TTR: variants seen among roughly 807,000 people sequenced by gnomAD.
TTR encodes the protein transthyretin.
Under a neutral mutation model 13.7 loss-of-function variants are expected in TTR, and 8 were observed. The ratio of observed to expected loss-of-function variants is 0.58; its 90% CI spans 0.34 to 1.05. The LOEUF is 1.05. TTR is among the 50% of genes least tolerant of loss of function. TTR has a pLI of 0.02. For synonymous variants in TTR, 75 were observed against 71.7 expected (o/e 1.05, Z -0.23); for missense variants, 135 against 185.5 (o/e 0.73, Z 1.58).
chr18:31,597,514 T>C (rs1043114502), intron 3 of TTR, among the ~76,000 whole-genome samples: 1 of 152,234 alleles, frequency 6.6e-6, no homozygotes, highest in African/African-American at 2.4e-5. Context: ...TGATTCTCAC[T>C]TCCTCTTGCC....
intron 3 of TTR, chr18:31,596,070 T>C (rs2073515219): frequency 6.4e-6 from 1 of 156,260 alleles, no homozygotes; most frequent in South Asian, 2.0e-4. Flanking sequence ...TCTGTTCCCC[T>C]GCCTATGGTG....
chr18:31,595,528 G>A, intron 3 of TTR: 4 of 552,468 alleles, frequency 7.2e-6, no homozygotes, highest in Non-Finnish European at 1.4e-5. Flanking sequence ...GAATATTGAT[G>A]TATCTGCTGT....
At chr18:31,594,151 A>C (rs1391215982) in intron 2 of TTR, among the ~76,000 whole-genome samples, 2 of 152,220 alleles carry the variant, frequency 1.3e-5, no homozygotes, top group African/African-American at 4.8e-5. Flanking sequence ...GACAAAAAAA[A>C]AAAGAAGTGA....
Position 31,592,879 on chromosome 18 carries a change from G to A in TTR, c.70-17G>A, listed in dbSNP as rs753905467. The A allele has an allele frequency of 2.5e-6, 4 of 1,613,408 alleles. No individual in the cohort carries two copies. In the South Asian group the frequency reaches 3.3e-5, roughly 13 times the overall value. ...GATCAATTTTGTTAACTTCTCACGT[G>A]TCTTCTCTACACCCAGGGCACCGGT... is the stretch of plus-strand genomic sequence containing the variant. On this transcript the variant is annotated splice_polypyrimidine_tract_variant and intron_variant, in intron 1 of 3. Coordinates refer to ENST00000237014, the MANE Select transcript of TTR (RefSeq NM_000371.4).
Position 31,592,909 on chromosome 18 carries a change from C to T in TTR, c.83C>T (p.Ser28Phe), listed in dbSNP as rs1313375879. 1 of 1,614,016 alleles carries T rather than the reference C, an allele frequency of 6.2e-7. No homozygotes were observed. Residue 28 changes from serine to phenylalanine, a missense_variant, in exon 2 of 4, where the codon TCC becomes TTC. Physicochemically the swap from Ser to Phe is radical, Grantham distance 155. Coordinates refer to ENST00000237014, the MANE Select transcript of TTR (RefSeq NM_000371.4). ...CTCTACACCCAGGGCACCGGTGAAT[C>T]CAAGTGTCCTCTGATGGTCAAAGTT... The part of the protein sequence containing the change: ...SEAGPTGTGE[S>F]KCPLMVKVLD...
chr18:31,596,936 G>C (rs1358968468), intron 3 of TTR, among the ~76,000 whole-genome samples: 1 of 152,200 alleles, frequency 6.6e-6, no homozygotes, highest in East Asian at 1.9e-4. Flanking sequence ...GCCTCCTTCA[G>C]AACTGGTCAA....
chr18:31,594,861 T>A (rs1292130956), intron 2 of TTR, among the ~76,000 whole-genome samples: 1 of 150,406 alleles, frequency 6.6e-6, no homozygotes, highest in Non-Finnish European at 1.5e-5. Flanking sequence ...TAAAACTCTG[T>A]CTCAAAAAAA....
At chr18:31,595,068 T>C in intron 2 of TTR, 52 bp from the exon 3 acceptor site, 2 of 1,608,576 alleles carry the variant, frequency 1.2e-6, no homozygotes, top group Non-Finnish European at 1.7e-6. Flanking sequence ...TACTTTGCCA[T>C]GCCATTTGTT....
At position 31,598,615 on chromosome 18, in the gene TTR, C is replaced by T. The variant is rs143906738; in HGVS notation, c.384C>T (p.Ala128=). 216 of 1,614,108 alleles carry T rather than the reference C, an allele frequency of 1.3e-4. No homozygotes were observed. Among genetic ancestry groups the T allele is most frequent in the Non-Finnish European group, 1.7e-4 (202 of 1,180,058 alleles). Residue 128 remains alanine (A), a synonymous_variant, in exon 4 of 4, where the codon GCC becomes GCT. Transcript: ENST00000237014. The part of the protein sequence containing the change: ...NDSGPRRYTI[A]ALLSPYSYST... ...CCGGCCCCCGCCGCTACACCATTGC[C>T]GCCCTGCTGAGCCCCTACTCCTATT...
At chr18:31,594,861 T>G (rs1292130956) in intron 2 of TTR, among the ~76,000 whole-genome samples, 2 of 150,520 alleles carry the variant, frequency 1.3e-5, no homozygotes, top group South Asian at 4.2e-4. Context: ...TAAAACTCTG[T>G]CTCAAAAAAA....
Position 31,595,474 on chromosome 18 carries a change from A to G in TTR, c.336+219A>G, listed in dbSNP as rs889934104. On this transcript the variant is annotated intron_variant, in intron 3 of 3. Coordinates refer to ENST00000237014, the MANE Select transcript of TTR (RefSeq NM_000371.4). ...AAAATCCACTTAGTAACATGACTTG[A>G]ACTTACATGAAACTACTCATAGTCT... 1.2e-5 allele frequency: 8 copies of G among 676,922 alleles called. No homozygotes were observed. In the African/African-American group the frequency reaches 1.4e-4, roughly 12 times the overall value. 41.9% of individuals were successfully genotyped at this position (676,922 alleles called of 1,614,324 possible). A position where few individuals can be genotyped will look rare whatever the true frequency, so the allele number is the denominator to read the frequency against.
At chr18:31,594,455 C>T (rs954232810) in intron 2 of TTR, among the ~76,000 whole-genome samples, 1 of 152,336 alleles carries the variant, frequency 6.6e-6, no homozygotes, top group Non-Finnish European at 1.5e-5. Context: ...GCTATCCTCA[C>T]ACCACAAGGG....
intron 2 of TTR, among the ~76,000 whole-genome samples, chr18:31,594,542 T>C (rs1413047593): frequency 1.3e-5 from 2 of 152,144 alleles, no homozygotes; most frequent in Non-Finnish European, 2.9e-5. Flanking sequence ...ATCATCAATC[T>C]TGAATCACAG....
chr18:31,594,605 T>C (rs548411764), intron 2 of TTR, among the ~76,000 whole-genome samples: 1 of 152,352 alleles, frequency 6.6e-6, no homozygotes, highest in African/African-American at 2.4e-5. Flanking sequence ...GGCTCACGCC[T>C]GTAATCCCAG....
chr18:31,595,249 T>C lies in TTR; in HGVS notation c.330T>C (p.His110=), dbSNP rs2073511478. ...KALGISPFHE[H]AEVVFTANDS... ...TTGGCATCTCCCCATTCCATGAGCATGCAGAGGTGAGTATACAGACCTTCG... is the reference window on the plus strand; with the variant it reads ...TTGGCATCTCCCCATTCCATGAGCACGCAGAGGTGAGTATACAGACCTTCG... The change falls in exon 3 of 4, where the codon CAT becomes CAC. Residue 110 remains histidine, a synonymous_variant. Coordinates refer to ENST00000237014, the MANE Select transcript of TTR (RefSeq NM_000371.4). 6.2e-7 allele frequency: 1 copy of C among 1,614,218 alleles called. No individual in the cohort carries two copies. Among genetic ancestry groups the C allele is most frequent in the Non-Finnish European group, 8.5e-7 (1 of 1,180,016 alleles).
Sources: allele counts gnomAD v4.1 joint callset (sites outside exome capture counted in the v4.1 genomes callset), GRCh38; gene constraint gnomAD v4.1.1; transcripts MANE v1.5; gene names NCBI Gene and HGNC (gene_info 2026-07-23, HGNC 2026-07-21).